Variants in MYZAP observed in about 807,000 individuals in gnomAD.
MYZAP encodes the protein myocardial zonula adherens protein.
A neutral mutation model predicts 69.4 loss-of-function variants in MYZAP; 66 were observed. The ratio of observed to expected loss-of-function variants is 0.95; its 90% CI spans 0.78 to 1.17. MYZAP has a LOEUF of 1.17. MYZAP is among the 50% of genes most tolerant of loss of function. MYZAP has a pLI of 0.00. For synonymous variants in MYZAP, 256 were observed against 205.9 expected, an observed-to-expected ratio of 1.24 and a Z score of -2.09; for missense variants, 611 against 556.2, an observed-to-expected ratio of 1.10 and a Z score of -0.99.
chr15:57,627,631 G>A (rs2036238136), intron 5 of MYZAP, among the ~76,000 whole-genome samples: 2 of 152,148 alleles, frequency 1.3e-5, no homozygotes, highest in Non-Finnish European at 2.9e-5. Flanking sequence ...ATTATTGACA[G>A]GGAGACCAGA....
rs59442912 is a variant in MYZAP at position 57,623,732 on chromosome 15, CA to C, written c.412-2035del. 6.4e-3 allele frequency among the ~76,000 whole-genome samples: 763 copies of C among 119,742 alleles called. 5 individuals carry two copies. The highest frequency in any genetic ancestry group is 0.021 in the African/African-American group (682 of 31,770). The allele number at this position is 119,742 out of a possible 152,430, so 78.6% of individuals were successfully genotyped here. A position where few individuals can be genotyped will look rare whatever the true frequency, so the allele number is the denominator to read the frequency against. On this transcript the variant is annotated intron_variant, in intron 4 of 12. Coordinates refer to ENST00000267853, the MANE Select transcript of MYZAP (RefSeq NM_001018100.5). ...TGGGTGACAGAGTGAGACCCTGTTTCAAAAAAAAAAAATAAGGGAAAGTAAG... is the reference window on the plus strand; with the variant it reads ...TGGGTGACAGAGTGAGACCCTGTTTCAAAAAAAAAAATAAGGGAAAGTAAG...
chr15:57,634,877 G>C (rs187900902), intron 8 of MYZAP, among the ~76,000 whole-genome samples: 4 of 152,292 alleles, frequency 2.6e-5, no homozygotes, highest in South Asian at 2.1e-4. Context: ...TTGACCAGAG[G>C]GGGTGGTGGT....
intron 10 of MYZAP, chr15:57,648,573 A>C (rs2037566697): frequency 5.9e-6 from 4 of 675,068 alleles, no homozygotes; most frequent in Non-Finnish European, 7.3e-6. Context: ...GTCTTAAAAA[A>C]TAAGTAGCTG....
At chr15:57,669,825 G>A (rs1361658059) in intron 11 of MYZAP, among the ~76,000 whole-genome samples, 3 of 152,082 alleles carry the variant, frequency 2.0e-5, no homozygotes, top group Non-Finnish European at 4.4e-5. Context: ...CACAAGCTTT[G>A]ATATACTTTA....
At chr15:57,651,584 A>C (rs1184823462) in intron 10 of MYZAP, among the ~76,000 whole-genome samples, 6 of 152,210 alleles carry the variant, frequency 3.9e-5, no homozygotes, top group Non-Finnish European at 8.8e-5. Context: ...TGAATAGGAC[A>C]GCCTGGGCCT....
intron 1 of MYZAP, among the ~76,000 whole-genome samples, chr15:57,602,202 G>T (rs868665479): frequency 3.9e-5 from 6 of 152,222 alleles, no homozygotes; most frequent in African/African-American, 1.4e-4. Context: ...GGGGTGGAGA[G>T]GATTTGTTTG....
At chr15:57,656,737 T>C (rs2038028019) in intron 10 of MYZAP, among the ~76,000 whole-genome samples, 1 of 152,184 alleles carries the variant, frequency 6.6e-6, no homozygotes, top group Admixed American at 6.5e-5. Context: ...AGTGCTCTTA[T>C]CTGAACAAGT....
intron 11 of MYZAP, among the ~76,000 whole-genome samples, chr15:57,670,246 T>A (rs1472563499): frequency 6.6e-6 from 1 of 152,054 alleles, no homozygotes; most frequent in African/African-American, 2.4e-5. Context: ...TCTTTCTTTG[T>A]TTTTACTTTG....
rs2038306181 is a variant in MYZAP at position 57,661,522 on chromosome 15, T to A, written c.1192T>A (p.Leu398Ile). The change falls in exon 11 of 13, where the codon TTA (leucine) becomes ATA (isoleucine). Residue 398 changes from leucine (L) to isoleucine (I), a missense_variant. Coordinates refer to ENST00000267853, the MANE Select transcript of MYZAP (RefSeq NM_001018100.5). Reference sequence around the variant, plus strand: ...GCAGCTTTTAGAAAAGATATCTTTCTTAGAAGGAGAGGTAAGGATCTCTGT... The same window carrying A: ...GCAGCTTTTAGAAAAGATATCTTTCATAGAAGGAGAGGTAAGGATCTCTGT... The part of the protein sequence containing the change: ...ILQLLEKISF[L>I]EGENNELQSR... 1 of 1,609,820 alleles carries A rather than the reference T, an allele frequency of 6.2e-7. No individual in the cohort carries two copies. Among genetic ancestry groups the A allele is most frequent in the African/African-American group, 1.3e-5 (1 of 74,758 alleles).
chr15:57,618,998 T>A (rs1017800071), intron 3 of MYZAP, among the ~76,000 whole-genome samples: 1 of 152,206 alleles, frequency 6.6e-6, no homozygotes. Context: ...AGACCTTGCT[T>A]CGAGCTCCAG....
At chr15:57,622,591 G>A (rs1316792331) in intron 4 of MYZAP, among the ~76,000 whole-genome samples, 9 of 152,086 alleles carry the variant, frequency 5.9e-5, no homozygotes, top group Admixed American at 2.0e-4. Context: ...CTCCAGAAAT[G>A]TACCCCTGTA....
At chr15:57,642,644 T>C (rs1042077571) in intron 10 of MYZAP, among the ~76,000 whole-genome samples, 1 of 152,190 alleles carries the variant, frequency 6.6e-6, no homozygotes, top group African/African-American at 2.4e-5. Context: ...GGAAACTTAG[T>C]TTTTTTAAAT....
At chr15:57,671,276 G>A (rs2554028) in intron 11 of MYZAP, among the ~76,000 whole-genome samples, 147,822 of 152,192 alleles carry the variant, frequency 0.97, 71,932 homozygotes, top group Middle Eastern at 1. Context: ...TATCTGTAGT[G>A]ATTCAAATGA....
At chr15:57,599,729 T>C (rs1266904927) in intron 1 of MYZAP, 23 of 1,285,700 alleles carry the variant, frequency 1.8e-5, no homozygotes, top group Non-Finnish European at 2.1e-5. Flanking sequence ...TTGATGTTAC[T>C]CGGGGAGATT....
At chr15:57,675,568 A>G (rs573882940) in intron 12 of MYZAP, among the ~76,000 whole-genome samples, 6 of 152,200 alleles carry the variant, frequency 3.9e-5, no homozygotes, top group Non-Finnish European at 8.8e-5. Flanking sequence ...GTACTGTAAC[A>G]GGGTATTGTC....
chr15:57,599,778 G>T (rs2034299838), intron 1 of MYZAP: 1 of 1,119,794 alleles, frequency 8.9e-7, no homozygotes, highest in Admixed American at 2.3e-5. Flanking sequence ...TGAATGGAGG[G>T]AGGTAGACTG....
intron 10 of MYZAP, among the ~76,000 whole-genome samples, chr15:57,658,751 A>G (rs1054535139): frequency 5.3e-5 from 8 of 152,192 alleles, no homozygotes; most frequent in African/African-American, 1.9e-4. Context: ...AAGGCTGATA[A>G]TGGAGTCAAG....
chr15:57,642,656 A>G (rs1003308830), intron 10 of MYZAP, among the ~76,000 whole-genome samples: 1 of 152,138 alleles, frequency 6.6e-6, no homozygotes, highest in African/African-American at 2.4e-5. Flanking sequence ...TTTTTAAATG[A>G]TGGGCTTCTT....
chr15:57,670,823 C>T (rs1457637463), intron 11 of MYZAP, among the ~76,000 whole-genome samples: 2 of 152,042 alleles, frequency 1.3e-5, no homozygotes, highest in African/African-American at 4.8e-5. Context: ...TAGCTGTTCA[C>T]TGTGCACCTA....
Sources: allele counts gnomAD v4.1 joint callset (sites outside exome capture counted in the v4.1 genomes callset), GRCh38; gene constraint gnomAD v4.1.1; transcripts MANE v1.5; gene names NCBI Gene and HGNC (gene_info 2026-07-23, HGNC 2026-07-21).